ENOX1: variants seen among roughly 807,000 people sequenced by gnomAD.
ENOX1 encodes the protein ecto-NOX disulfide-thiol exchanger 1, also known as candidate growth-related and time keeping constitutive hydroquinone (NADH) oxidase.
A neutral mutation model predicts 82.5 loss-of-function variants in ENOX1; 42 were observed. The ratio of observed to expected loss-of-function variants is 0.51; its 90% CI spans 0.40 to 0.66. The LOEUF (loss-of-function observed/expected upper bound fraction) is 0.66. Among genes scored for constraint, ENOX1 ranks in the 30% least tolerant of loss-of-function variants. The pLI is 0.00. For missense variants in ENOX1, 608 were observed against 811.6 expected, an observed-to-expected ratio of 0.75 and a Z score of 3.05; for synonymous variants, 271 against 282.2, an observed-to-expected ratio of 0.96 and a Z score of 0.40.
chr13:43,223,195 A>G (rs1473375218), intron 16 of ENOX1, among the ~76,000 whole-genome samples: 1 of 152,196 alleles, frequency 6.6e-6, no homozygotes, highest in African/African-American at 2.4e-5. Context: ...TACCAATCCC[A>G]TGCGTTTTGC....
intron 12 of ENOX1, among the ~76,000 whole-genome samples, chr13:43,277,080 G>A (rs969750847): frequency 6.6e-6 from 1 of 152,114 alleles, no homozygotes; most frequent in Non-Finnish European, 1.5e-5. Flanking sequence ...CCATTCAGAC[G>A]ACTGATAACA....
chr13:43,541,171 C>CTGTT (rs2078694046), intron 2 of ENOX1, among the ~76,000 whole-genome samples: 1 of 38,758 alleles, frequency 2.6e-5, no homozygotes, highest in African/African-American at 6.4e-5. Context: ...CTTCTTCCCT[C>CTGTT]TGTTTTTTTT....
intron 2 of ENOX1, among the ~76,000 whole-genome samples, chr13:43,657,036 A>G (rs1266351164): frequency 1.3e-5 from 2 of 152,188 alleles, no homozygotes; most frequent in African/African-American, 4.8e-5. Flanking sequence ...TGGCATGTGG[A>G]TAATCCACAA....
At position 43,494,632 on chromosome 13, in the gene ENOX1, G is replaced by A. The variant is rs149507447; in HGVS notation, c.-218-10480C>T. On this transcript the variant is annotated intron_variant, in intron 2 of 16. Transcript: ENST00000690772. ...AGAGATGAGACAAATCATGACACAC[G>A]GGAGTGACACACAGAGTGGAGTTTT... is the stretch of plus-strand genomic sequence containing the variant. Among the ~76,000 whole-genome samples, 265 of 152,256 alleles carry A rather than the reference G, an allele frequency of 1.7e-3. 1 individual carries two copies. The highest frequency in any genetic ancestry group is 5.6e-3 in the African/African-American group (233 of 41,560).
At chr13:43,294,032 C>T (rs554222391) in intron 12 of ENOX1, among the ~76,000 whole-genome samples, 8 of 152,006 alleles carry the variant, frequency 5.3e-5, no homozygotes, top group African/African-American at 1.9e-4. Context: ...CCTGATCTTC[C>T]CTTGCTGAAA....
intron 5 of ENOX1, among the ~76,000 whole-genome samples, chr13:43,391,413 C>T (rs1203204939): frequency 1.3e-5 from 2 of 152,146 alleles, no homozygotes; most frequent in Non-Finnish European, 2.9e-5. Context: ...GTGATTATCA[C>T]TGGCCCACCC....
At chr13:43,487,676 A>G (rs886910079) in intron 2 of ENOX1, among the ~76,000 whole-genome samples, 2 of 152,200 alleles carry the variant, frequency 1.3e-5, no homozygotes, top group South Asian at 4.1e-4. Context: ...ATAGGGCTTG[A>G]GACTCAAATC....
At chr13:43,366,433 C>T (rs1462229314) in intron 5 of ENOX1, among the ~76,000 whole-genome samples, 4 of 152,166 alleles carry the variant, frequency 2.6e-5, no homozygotes, top group African/African-American at 9.7e-5. Context: ...CGCCACCATG[C>T]CTGGCTAATT....
intron 1 of ENOX1, among the ~76,000 whole-genome samples, chr13:43,756,473 G>GAGGGGAGGGGA (rs1283441082): frequency 3.7e-5 from 5 of 135,336 alleles, no homozygotes; most frequent in Non-Finnish European, 6.4e-5. Flanking sequence ...GAGGGGAGGG[G>GAGGGGAGGGGA]AGGGGAGGGG....
chr13:43,503,101 C>G (rs141979378), intron 2 of ENOX1, among the ~76,000 whole-genome samples: 1 of 151,506 alleles, frequency 6.6e-6, no homozygotes, highest in Non-Finnish European at 1.5e-5. Flanking sequence ...GAAATTAAAA[C>G]AATCCCATGT....
chr13:43,708,061 T>C (rs1453750790), intron 1 of ENOX1, among the ~76,000 whole-genome samples: 3 of 152,050 alleles, frequency 2.0e-5, no homozygotes, highest in Non-Finnish European at 4.4e-5. Flanking sequence ...TCCCAGTAGA[T>C]AGAGAACACC....
intron 2 of ENOX1, among the ~76,000 whole-genome samples, chr13:43,575,320 T>C (rs532203357): frequency 6.6e-6 from 1 of 152,314 alleles, no homozygotes; most frequent in East Asian, 1.9e-4. Context: ...CAGTACCTGC[T>C]TCCCAAGTGA....
At chr13:43,574,383 C>T (rs759442834) in intron 2 of ENOX1, among the ~76,000 whole-genome samples, 1 of 152,128 alleles carries the variant, frequency 6.6e-6, no homozygotes, top group Non-Finnish European at 1.5e-5. Context: ...GCAGTATTGT[C>T]AGCGAGTTCT....
chr13:43,393,929 G>C (rs1028943637), intron 5 of ENOX1, among the ~76,000 whole-genome samples: 7 of 152,126 alleles, frequency 4.6e-5, no homozygotes, highest in African/African-American at 1.4e-4. Flanking sequence ...AGTTCTCACT[G>C]TTATTCACAG....
chr13:43,339,510 C>T (rs12427495), intron 9 of ENOX1, among the ~76,000 whole-genome samples: 3 of 152,108 alleles, frequency 2.0e-5, no homozygotes, highest in Non-Finnish European at 4.4e-5. Context: ...CTAGAAGCTG[C>T]GGAGTGAGCC....
At chr13:43,311,509 C>T (rs2047201455) in intron 11 of ENOX1, among the ~76,000 whole-genome samples, 1 of 152,150 alleles carries the variant, frequency 6.6e-6, no homozygotes, top group African/African-American at 2.4e-5. Context: ...TCTTTATGTT[C>T]AAGTTTATGC....
chr13:43,415,386 T>C (rs1041121026), intron 3 of ENOX1, among the ~76,000 whole-genome samples: 4 of 151,844 alleles, frequency 2.6e-5, no homozygotes, highest in Non-Finnish European at 5.9e-5. Context: ...TAGGCAGAGG[T>C]CCCTGCGGCC....
At chr13:43,613,931 C>CA (rs913733481) in intron 2 of ENOX1, among the ~76,000 whole-genome samples, 31 of 150,696 alleles carry the variant, frequency 2.1e-4, no homozygotes, top group Admixed American at 4.6e-4. Context: ...AAGACTCTCT[C>CA]AAAAAAAAAA....
chr13:43,736,841 T>C (rs1367199954), intron 1 of ENOX1, among the ~76,000 whole-genome samples: 1 of 152,088 alleles, frequency 6.6e-6, no homozygotes, highest in Admixed American at 6.5e-5. Context: ...CACATTTAGG[T>C]TCAAGGTGGA....
Sources: gnomAD v4.1 joint callset for allele counts (sites outside exome capture counted in the v4.1 genomes callset) on GRCh38, gnomAD v4.1.1 for gene constraint, MANE v1.5 for transcripts, NCBI Gene and HGNC (gene_info 2026-07-23, HGNC 2026-07-21) for gene names.